PTPRQ: variants seen among roughly 807,000 people sequenced by gnomAD.
PTPRQ encodes protein tyrosine phosphatase receptor type Q, also known as phosphatidylinositol phosphatase PTPRQ.
PTPRQ carries 199 observed loss-of-function variants against 246.0 expected under a neutral mutation model. The observed-to-expected ratio is 0.81, with a 90% confidence interval of 0.72 to 0.91. The LOEUF (loss-of-function observed/expected upper bound fraction) is 0.91. Among genes scored for constraint, PTPRQ ranks in the 40% least tolerant of loss-of-function variants. PTPRQ has a pLI of 0.00. For missense variants in PTPRQ, 2,624 were observed against 2,528.4 expected (o/e 1.04, Z -0.81); for synonymous variants, 869 against 853.2 (o/e 1.02, Z -0.32).
At chr12:80,468,143 T>C (rs1411016882) in intron 6 of PTPRQ, among the ~76,000 whole-genome samples, 1 of 152,058 alleles carries the variant, frequency 6.6e-6, no homozygotes, top group Non-Finnish European at 1.5e-5. Flanking sequence ...AAAAATAGAG[T>C]AATTTAAAAT....
At position 80,635,053 on chromosome 12, in the gene PTPRQ, G is replaced by T; in HGVS notation, c.5895G>T (p.Leu1965=). The change falls in exon 35 of 45, where the codon CTG becomes CTT. Residue 1965 remains leucine, a synonymous_variant. Coordinates refer to ENST00000644991, the MANE Select transcript of PTPRQ (RefSeq NM_001145026.2). ...DQLITVADLE[L]KDERLTRLLS... The stretch of plus-strand genomic sequence containing the variant: ...TCATCACAGTGGCAGACCTGGAACT[G>T]AAGGACGAGAGATTAACGCGGTGAG... The T allele has an allele frequency of 6.4e-7, 1 of 1,551,090 alleles. No homozygotes were observed. The highest frequency in any genetic ancestry group is 1.4e-5 in the African/African-American group (1 of 73,106).
intron 33 of PTPRQ, among the ~76,000 whole-genome samples, chr12:80,629,997 T>C (rs1204111490): frequency 2.6e-5 from 4 of 152,334 alleles, no homozygotes; most frequent in Middle Eastern, 3.4e-3. Flanking sequence ...TAACGCATAT[T>C]CCACTCCTAA....
chr12:80,638,076 G>A (rs761965638), intron 35 of PTPRQ, among the ~76,000 whole-genome samples: 5 of 151,644 alleles, frequency 3.3e-5, no homozygotes, highest in Non-Finnish European at 7.4e-5. Context: ...GAGACCAGCC[G>A]GCCCAACATG....
At chr12:80,577,577 A>G (rs1897309860) in intron 25 of PTPRQ, among the ~76,000 whole-genome samples, 2 of 152,196 alleles carry the variant, frequency 1.3e-5, no homozygotes, top group South Asian at 4.1e-4. Flanking sequence ...CTATATGTAT[A>G]ACTAGCTTTC....
intron 43 of PTPRQ, among the ~76,000 whole-genome samples, chr12:80,675,754 C>A (rs941188531): frequency 6.6e-6 from 1 of 152,102 alleles, no homozygotes; most frequent in Admixed American, 6.5e-5. Flanking sequence ...CCAGCCATAG[C>A]AAATTGTCAC....
chr12:80,477,843 A>G (rs1893871497), intron 8 of PTPRQ, among the ~76,000 whole-genome samples: 1 of 152,184 alleles, frequency 6.6e-6, no homozygotes, highest in Non-Finnish European at 1.5e-5. Context: ...ACGGCGCACC[A>G]CGAGATTATA....
chr12:80,595,631 T>C (rs1897944370), intron 26 of PTPRQ, among the ~76,000 whole-genome samples: 1 of 151,834 alleles, frequency 6.6e-6, no homozygotes, highest in South Asian at 2.1e-4. Flanking sequence ...TAGTTACATA[T>C]GTATACATGT....
intron 35 of PTPRQ, 128 bp from the exon 36 acceptor site, chr12:80,648,769 T>C: frequency 1.5e-6 from 1 of 663,858 alleles, no homozygotes; most frequent in Non-Finnish European, 2.3e-6. Flanking sequence ...AATGATCATA[T>C]ATTAGTTAAA....
At chr12:80,631,447 T>C (rs1324337635) in intron 33 of PTPRQ, among the ~76,000 whole-genome samples, 2 of 152,210 alleles carry the variant, frequency 1.3e-5, no homozygotes, top group East Asian at 1.9e-4. Context: ...TTTCCATTTT[T>C]ATTAAATATA....
chr12:80,640,785 A>G (rs994990948), intron 35 of PTPRQ, among the ~76,000 whole-genome samples: 4 of 152,134 alleles, frequency 2.6e-5, no homozygotes, highest in African/African-American at 9.7e-5. Context: ...CATGTCCTTT[A>G]TAATATTGCA....
chr12:80,481,552 G>C (rs1022388499), intron 8 of PTPRQ, among the ~76,000 whole-genome samples: 12 of 152,044 alleles, frequency 7.9e-5, no homozygotes, highest in Non-Finnish European at 1.8e-4. Flanking sequence ...AGGAAATAAA[G>C]GGCATTCAAT....
chr12:80,478,238 C>G (rs1304630510), intron 8 of PTPRQ, among the ~76,000 whole-genome samples: 2 of 150,748 alleles, frequency 1.3e-5, no homozygotes, highest in African/African-American at 5.0e-5. Context: ...CCCCGAGCAG[C>G]CTAACTGGGA....
At chr12:80,589,726 C>T (rs1232333665) in intron 26 of PTPRQ, among the ~76,000 whole-genome samples, 1 of 152,176 alleles carries the variant, frequency 6.6e-6, no homozygotes, top group East Asian at 1.9e-4. Context: ...CAGACTTTGA[C>T]ACAATTGTCC....
In PTPRQ at chr12:80,588,374, A is replaced by T. The variant is rs939866933; in HGVS notation, c.4531A>T (p.Arg1511Ter). 1 of 1,537,820 alleles carries T rather than the reference A, an allele frequency of 6.5e-7. No homozygotes were observed. The highest frequency in any genetic ancestry group is 1.4e-5 in the African/African-American group (1 of 72,524). Residue 1511 changes from arginine (R) to a stop codon, truncating the protein, a stop_gained, in exon 26 of 45, where the codon AGA (arginine) becomes TGA (stop). Transcript: ENST00000644991. LOFTEE classifies it high-confidence loss of function. ...VYGLKKFRWY[R>*]FQVAASTNAG... ...TGGATTAAAGAAATTTAGATGGTAT[A>T]GATTCCAAGTGGCTGCCAGCACCAA...
chr12:80,655,563 TTCTCTCTGTCTCTCTCTCTC>T (rs1373567495), intron 38 of PTPRQ, among the ~76,000 whole-genome samples: 4 of 150,872 alleles, frequency 2.7e-5, no homozygotes, highest in African/African-American at 7.3e-5. Flanking sequence ...ATACCCCCGG[TTCTCTCTGTCTCTCTCTCTC>T]TCTCTCTGTC....
intron 38 of PTPRQ, 61 bp downstream of exon 38, chr12:80,652,895 A>G: frequency 7.1e-7 from 1 of 1,398,832 alleles, no homozygotes; most frequent in Non-Finnish European, 9.3e-7. Context: ...TACCATCTTA[A>G]CTTTTTTGTT....
Position 80,670,448 on chromosome 12 carries a change from A to G in PTPRQ, c.6558A>G (p.Arg2186=). 2 of 1,551,294 alleles carry G rather than the reference A, an allele frequency of 1.3e-6. No homozygotes were observed. Among genetic ancestry groups the G allele is most frequent in the Non-Finnish European group, 1.7e-6 (2 of 1,146,632 alleles). The change falls in exon 42 of 45, where the codon CGA becomes CGG. Residue 2186 remains arginine, a synonymous_variant. Coordinates refer to ENST00000644991, the MANE Select transcript of PTPRQ (RefSeq NM_001145026.2). ...APLIHFVKLV[R]ASRAHDTTPM... Reference sequence around the variant, plus strand: ...TAATTCACTTTGTGAAGTTGGTTCGAGCAAGCAGGGCACATGACACCACAC... The same window carrying G: ...TAATTCACTTTGTGAAGTTGGTTCGGGCAAGCAGGGCACATGACACCACAC...
intron 9 of PTPRQ, among the ~76,000 whole-genome samples, chr12:80,490,215 A>G (rs1017596103): frequency 6.6e-6 from 1 of 152,052 alleles, no homozygotes; most frequent in South Asian, 2.1e-4. Flanking sequence ...TCTTTTTACC[A>G]CTTCTTGATA....
intron 38 of PTPRQ, 24 bp downstream of exon 38, chr12:80,652,858 T>TGA (rs397963013): frequency 6.9e-7 from 1 of 1,451,822 alleles, no homozygotes; most frequent in South Asian, 1.6e-5. Flanking sequence ...TTGGTTTTGG[T>TGA]TTAGCTAGGA....
Sources: gnomAD v4.1 joint callset for allele counts (sites outside exome capture counted in the v4.1 genomes callset) on GRCh38, gnomAD v4.1.1 for gene constraint, MANE v1.5 for transcripts, NCBI Gene and HGNC (gene_info 2026-07-23, HGNC 2026-07-21) for gene names.